CPNE4: variants seen among roughly 807,000 people sequenced by gnomAD.
CPNE4 encodes the protein copine-4.
Under a neutral mutation model 67.9 loss-of-function variants are expected in CPNE4, and 25 were observed. The ratio of observed to expected loss-of-function variants is 0.37; its 90% CI spans 0.27 to 0.51. The LOEUF (loss-of-function observed/expected upper bound fraction) is 0.51, where lower values mean the gene tolerates loss of function less well. Among genes scored for constraint, CPNE4 ranks in the 20% least tolerant of loss-of-function variants. The probability of loss-of-function intolerance (pLI) is 0.93; values close to 1 mark genes in which losing one functional copy is unlikely to be tolerated. For synonymous variants in CPNE4, 242 were observed against 244.9 expected, an observed-to-expected ratio of 0.99 and a Z score of 0.11; for missense variants, 464 against 690.8, an observed-to-expected ratio of 0.67 and a Z score of 3.68.
chr3:131,971,656 C>T (rs897620916), intron 1 of CPNE4, among the ~76,000 whole-genome samples: 1 of 152,162 alleles, frequency 6.6e-6, no homozygotes, highest in African/African-American at 2.4e-5. Flanking sequence ...GCTATATTCC[C>T]TGGAAGTCTG....
rs140355458 is a variant in CPNE4, at chr3:131,909,882, C to T, written c.-1-4438G>A. On this transcript the variant is annotated intron_variant, in intron 1 of 15. Coordinates refer to ENST00000429747, the MANE Select transcript of CPNE4 (RefSeq NM_130808.3). The stretch of plus-strand genomic sequence containing the variant: ...ATTTATAAAAGAATAAACATATAAA[C>T]TGGAGGCACATGTTTAGAGTTTTTT... Among the ~76,000 whole-genome samples, 234 of 150,610 alleles carry T rather than the reference C, an allele frequency of 1.6e-3. 8 individuals are homozygous for T. The highest frequency in any genetic ancestry group is 0.011 in the Admixed American group (163 of 15,208).
At chr3:131,948,221 A>G (rs1402852871) in intron 1 of CPNE4, among the ~76,000 whole-genome samples, 2 of 152,160 alleles carry the variant, frequency 1.3e-5, no homozygotes, top group African/African-American at 4.8e-5. Flanking sequence ...TGTCAAGGTC[A>G]GGACCACGTG....
At chr3:131,905,585 C>A in intron 1 of CPNE4, 141 bp from the exon 2 acceptor site, 1 of 714,174 alleles carries the variant, frequency 1.4e-6, no homozygotes, top group Non-Finnish European at 2.3e-6. Flanking sequence ...CACTTTCCAA[C>A]CCAGTGACAC....
intron 2 of CPNE4, among the ~76,000 whole-genome samples, chr3:131,865,883 G>A (rs1422860739): frequency 6.6e-6 from 1 of 152,222 alleles, no homozygotes; most frequent in African/African-American, 2.4e-5. Context: ...AAGCTGTGAT[G>A]TAGGCCCAGT....
In CPNE4 at chr3:131,641,629, T is replaced by A. The variant is rs147909376; in HGVS notation, c.681+28046A>T. ...GAGATTCCTTAAAGAACTAAAAGTA[T>A]CCTTTTGATCTAGCAATTCTACTAC... On this transcript the variant is annotated intron_variant, in intron 7 of 15. Coordinates refer to ENST00000429747, the MANE Select transcript of CPNE4 (RefSeq NM_130808.3). 1.7e-3 allele frequency among the ~76,000 whole-genome samples: 252 copies of A among 152,164 alleles called. 2 individuals are homozygous for A. Among genetic ancestry groups the A allele is most frequent in the African/African-American group, 5.0e-3 (206 of 41,566 alleles).
chr3:131,951,654 A>G (rs978093627), intron 1 of CPNE4, among the ~76,000 whole-genome samples: 1 of 151,370 alleles, frequency 6.6e-6, no homozygotes, highest in African/African-American at 2.4e-5. Flanking sequence ...GCTCACTGCA[A>G]CCTCCCTGCC....
At chr3:131,834,051 T>C (rs1398228082) in intron 2 of CPNE4, among the ~76,000 whole-genome samples, 1 of 152,208 alleles carries the variant, frequency 6.6e-6, no homozygotes, top group African/African-American at 2.4e-5. Context: ...CTGAGAAAGA[T>C]ACAATCACTT....
chr3:131,854,725 T>C (rs887698926), intron 2 of CPNE4, among the ~76,000 whole-genome samples: 4 of 151,690 alleles, frequency 2.6e-5, no homozygotes, highest in Non-Finnish European at 5.9e-5. Flanking sequence ...ATTCTTTTAT[T>C]TTCTCTCCCT....
chr3:131,791,579 C>T (rs2083721897), intron 2 of CPNE4, among the ~76,000 whole-genome samples: 1 of 152,152 alleles, frequency 6.6e-6, no homozygotes, highest in Admixed American at 6.5e-5. Flanking sequence ...CCAGTGCTGA[C>T]AAGCTTACTT....
At chr3:131,556,807 CTAACTT>C (rs1363987665) in intron 11 of CPNE4, among the ~76,000 whole-genome samples, 1 of 152,090 alleles carries the variant, frequency 6.6e-6, no homozygotes, top group Admixed American at 6.5e-5. Flanking sequence ...GATCTTAACT[CTAACTT>C]TACTGTACTA....
At chr3:132,024,902 T>G (rs906327322) in intron 1 of CPNE4, among the ~76,000 whole-genome samples, 1 of 152,290 alleles carries the variant, frequency 6.6e-6, no homozygotes, top group South Asian at 2.1e-4. Flanking sequence ...GAGACAAAAT[T>G]CATGGCTTGT....
chr3:131,837,418 G>A (rs2108010202), intron 2 of CPNE4, among the ~76,000 whole-genome samples: 1 of 152,164 alleles, frequency 6.6e-6, no homozygotes, highest in African/African-American at 2.4e-5. Flanking sequence ...TTATTCTGAG[G>A]TGAAAAAGCC....
chr3:131,565,327 A>G (rs1204242231), intron 10 of CPNE4, among the ~76,000 whole-genome samples: 2 of 152,070 alleles, frequency 1.3e-5, no homozygotes, highest in African/African-American at 4.8e-5. Flanking sequence ...AGAGTAGAAT[A>G]CATTCATTGG....
intron 2 of CPNE4, among the ~76,000 whole-genome samples, chr3:131,766,740 A>G (rs556216394): frequency 6.6e-6 from 1 of 152,326 alleles, no homozygotes; most frequent in South Asian, 2.1e-4. Flanking sequence ...ATTAGAAAAA[A>G]AACAGATAAA....
chr3:132,003,393 C>T (rs1374602584), intron 1 of CPNE4, among the ~76,000 whole-genome samples: 1 of 152,036 alleles, frequency 6.6e-6, no homozygotes, highest in African/African-American at 2.4e-5. Context: ...CACAAAGCCC[C>T]CACCAGTCTA....
At chr3:131,848,666 C>CA (rs10565807) in intron 2 of CPNE4, among the ~76,000 whole-genome samples, 33,369 of 139,736 alleles carry the variant, frequency 0.24, 4,305 homozygotes, top group Middle Eastern at 0.33. Context: ...AATGTGCATC[C>CA]AAAAAAAAAA....
chr3:131,587,238 C>T (rs1443102613), intron 8 of CPNE4, among the ~76,000 whole-genome samples: 2 of 152,150 alleles, frequency 1.3e-5, no homozygotes, highest in Non-Finnish European at 2.9e-5. Context: ...GAAATACTCT[C>T]ATCTAACCTT....
In CPNE4 at chr3:131,902,845, A is replaced by G. The variant is rs60577158; in HGVS notation, c.180+2419T>C. ...TAAATAAAAAATAATGAGACTAACA[A>G]AGTCAATGAGAATATTTAGAAGGGA... On this transcript the variant is annotated intron_variant, in intron 2 of 15. Coordinates refer to ENST00000429747, the MANE Select transcript of CPNE4 (RefSeq NM_130808.3). 4.4e-3 allele frequency among the ~76,000 whole-genome samples: 664 copies of G among 152,246 alleles called. 5 individuals carry two copies. Among genetic ancestry groups the G allele is most frequent in the African/African-American group, 0.015 (635 of 41,558 alleles).
chr3:131,652,815 C>G (rs1582960873), intron 7 of CPNE4, among the ~76,000 whole-genome samples: 1 of 152,316 alleles, frequency 6.6e-6, no homozygotes, highest in East Asian at 1.9e-4. Flanking sequence ...GTCCAACTGT[C>G]CTGGTTCACC....
Sources: allele counts gnomAD v4.1 joint callset (sites outside exome capture counted in the v4.1 genomes callset), GRCh38; gene constraint gnomAD v4.1.1; transcripts MANE v1.5; gene names NCBI Gene and HGNC (gene_info 2026-07-23, HGNC 2026-07-21).